The following BTK variants were observed in gnomAD, a reference collection of about 807,000 sequenced individuals.
BTK encodes Bruton tyrosine kinase.
BTK carries 5 observed loss-of-function variants against 57.4 expected under a neutral mutation model. That is an observed-to-expected ratio of 0.09 (90% CI 0.05 to 0.18). The LOEUF (loss-of-function observed/expected upper bound fraction) is 0.18. Ranked by LOEUF, BTK falls within the 10% of genes least tolerant of loss-of-function variation. The probability of loss-of-function intolerance (pLI) is 1.00; values close to 1 mark genes in which losing one functional copy is unlikely to be tolerated. For synonymous variants in BTK, 154 were observed against 174.3 expected, an observed-to-expected ratio of 0.88 and a Z score of 0.92; for missense variants, 194 against 501.2, an observed-to-expected ratio of 0.39 and a Z score of 5.85.
At position 101,375,136 on chromosome X, in the gene BTK, A is replaced by C. The variant is rs1555980865; in HGVS notation, c.141+8T>G. The stretch of plus-strand genomic sequence containing the variant: ...TTGAAACTCAGTTTTCATAGTCGAG[A>C]AACTTACCCCACGTTCAAAGTCATA... On this transcript the variant is annotated splice_region_variant and intron_variant, in intron 2 of 18. Transcript: ENST00000308731. 8.3e-7 allele frequency: 1 copy of C among 1,211,621 alleles called. No individual in the cohort carries two copies.
In BTK at chrX:101,353,850, G is replaced by A; in HGVS notation, c.1750+20C>T. ...TCTTATCCTTTGAGCTGTATAATCTGTGTAATCTTATCCACTTACCAAAAG... is the reference window on the plus strand; with the variant it reads ...TCTTATCCTTTGAGCTGTATAATCTATGTAATCTTATCCACTTACCAAAAG... On this transcript the variant is annotated intron_variant, in intron 17 of 18. Transcript: ENST00000308731. 3 of 1,119,269 alleles carry A rather than the reference G, an allele frequency of 2.7e-6. No homozygotes were observed. Among genetic ancestry groups the A allele is most frequent in the Non-Finnish European group, 3.7e-6 (3 of 810,944 alleles). The allele number at this position is 1,119,269 out of a possible 1,213,427, so 92.2% of individuals were successfully genotyped here.
chrX:101,386,365 T>A (rs1217182550), upstream of BTK: 1 of 111,044 alleles, frequency 9.0e-6, no homozygotes, highest in Non-Finnish European at 1.9e-5. Flanking sequence ...CACTACTATC[T>A]TGAGTCTATC....
At chrX:101,360,455 G>A in intron 8 of BTK, 113 bp downstream of exon 8, 1 of 842,844 alleles carries the variant, frequency 1.2e-6, no homozygotes, top group Non-Finnish European at 1.7e-6. Flanking sequence ...TCAGTCTGGT[G>A]TGGGAAGAAC....
Position 101,368,089 on chromosome X carries a change from G to A in BTK, c.391+1909C>T, listed in dbSNP as rs782404564. Among the ~76,000 whole-genome samples, 7 of 111,875 alleles carry A rather than the reference G, an allele frequency of 6.3e-5. No individual in the cohort carries two copies. The South Asian group carries it at 2.2e-3, about 36-fold the overall frequency. On this transcript the variant is annotated intron_variant, in intron 5 of 18. Transcript: ENST00000308731. ...AGCCTGACCCTGCCATTTACCAACC[G>A]AGGGCCTTTGGGCAAGTTACTTAAC...
intron 5 of BTK, among the ~76,000 whole-genome samples, chrX:101,366,722 T>C (rs1926862094): frequency 9.4e-6 from 1 of 106,166 alleles, no homozygotes. Context: ...AACAAGACTA[T>C]ACCCAGGTGG....
At chrX:101,375,060 C>T (rs1296400691) in intron 2 of BTK, 84 bp downstream of exon 2, 10 of 1,157,577 alleles carry the variant, frequency 8.6e-6, no homozygotes, top group South Asian at 1.8e-5. Context: ...CTCCTACCAA[C>T]GAAAATTTAC....
At chrX:101,374,276 C>T (rs782417453) in intron 3 of BTK, 3 of 346,872 alleles carry the variant, frequency 8.6e-6, no homozygotes, top group African/African-American at 5.3e-5. Flanking sequence ...AATCAATGAT[C>T]TCTGACCAGT....
chrX:101,370,476 TAA>T (rs1252166294), intron 4 of BTK, among the ~76,000 whole-genome samples: 1 of 111,874 alleles, frequency 8.9e-6, no homozygotes, highest in Non-Finnish European at 1.9e-5. Context: ...CTATATAAAT[TAA>T]GTCTTGATTA....
rs2147435148 is a variant in BTK at position 101,362,222 on chromosome X, G to C, written c.539C>G (p.Ser180Cys). Residue 180 changes from serine (S) to cysteine (C), a missense_variant, in exon 7 of 19, where the codon TCT becomes TGT. By Grantham distance (112) the Ser-to-Cys change is moderately radical. Coordinates refer to ENST00000308731, the MANE Select transcript of BTK (RefSeq NM_000061.3). ...NRNGSLKPGS[S>C]HRKTKKPLPP... The stretch of plus-strand genomic sequence containing the variant: ...AAGAGGCTTTTTTGTCTTCCGGTGA[G>C]AACTCCCAGGTTTTAAGCCTGCAAA... 8.3e-7 allele frequency: 1 copy of C among 1,211,749 alleles called. No individual in the cohort carries two copies. The highest frequency in any genetic ancestry group is 1.1e-6 in the Non-Finnish European group (1 of 895,422).
chrX:101,351,593 A>T (rs1422166583), intron 18 of BTK, among the ~76,000 whole-genome samples: 1 of 111,520 alleles, frequency 9.0e-6, no homozygotes, highest in Non-Finnish European at 1.9e-5. Context: ...AGATTCACAT[A>T]TGCACTTGTT....
chrX:101,387,347 C>CTT (rs1195584019), upstream of BTK, among the ~76,000 whole-genome samples: 164 of 75,463 alleles, frequency 2.2e-3, no homozygotes, highest in East Asian at 3.8e-3. Flanking sequence ...GCCCTGGGAC[C>CTT]TTTTTTTTTT....
Position 101,349,874 on chromosome X carries a change from T to C in BTK, c.*11A>G, listed in dbSNP as rs377028655. 15 of 1,199,140 alleles carry C rather than the reference T, an allele frequency of 1.3e-5. No homozygotes were observed. The Middle Eastern group carries it at 6.9e-4, about 55-fold the overall frequency. ...AGAAGAGAAGTAGAACCAAGAAGCT[T>C]ATTGGCGAGCTCAGGATTCTTCATC... On this transcript the variant is annotated 3_prime_UTR_variant, in exon 19 of 19. Coordinates refer to ENST00000308731, the MANE Select transcript of BTK (RefSeq NM_000061.3).
intron 1 of BTK, among the ~76,000 whole-genome samples, chrX:101,375,977 TG>T (rs60553058): frequency 0.48 from 49,261 of 103,172 alleles, 9,569 homozygotes; most frequent in African/African-American, 0.73. Flanking sequence ...TGGGTTTTGG[TG>T]GGGGGGGGGT....
chrX:101,358,769 G>C, intron 10 of BTK, 73 bp from the exon 11 acceptor site: 1 of 873,958 alleles, frequency 1.1e-6, no homozygotes, highest in Non-Finnish European at 1.7e-6. Context: ...GCCCAAACTT[G>C]AGAGAGAAAA....
chrX:101,349,783 A>C lies in BTK; in HGVS notation c.*102T>G. 1 of 701,513 alleles carries C rather than the reference A, an allele frequency of 1.4e-6. No individual in the cohort carries two copies. 57.8% of individuals were successfully genotyped at this position (701,513 alleles called of 1,213,427 possible). The stretch of plus-strand genomic sequence containing the variant: ...GAGGGGCCTTTTTGTATTGAGTGGG[A>C]GCACAAAGGCTCCAGGGCTCCTAAG... On this transcript the variant is annotated 3_prime_UTR_variant, in exon 19 of 19. Coordinates refer to ENST00000308731, the MANE Select transcript of BTK (RefSeq NM_000061.3).
chrX:101,367,129 A>C (rs1185784772), intron 5 of BTK, among the ~76,000 whole-genome samples: 1 of 109,355 alleles, frequency 9.1e-6, no homozygotes, highest in East Asian at 2.9e-4. Flanking sequence ...CTGTAGTCCC[A>C]GCTACTCGGG....
intron 7 of BTK, among the ~76,000 whole-genome samples, chrX:101,361,172 C>T (rs976076716): frequency 1.8e-5 from 2 of 109,620 alleles, no homozygotes; most frequent in Middle Eastern, 9.3e-3. Flanking sequence ...GCCAAGACCA[C>T]GCCACTGCAC....
At chrX:101,354,582 C>G (rs1182586643) in intron 16 of BTK, 48 bp downstream of exon 16, 2 of 1,146,791 alleles carry the variant, frequency 1.7e-6, no homozygotes, top group Non-Finnish European at 2.4e-6. Flanking sequence ...ATGTTTCATA[C>G]TGTGCTATTT....
intron 1 of BTK, among the ~76,000 whole-genome samples, chrX:101,376,985 C>A (rs2238985): frequency 0.25 from 27,847 of 110,323 alleles, 2,793 homozygotes; most frequent in African/African-American, 0.36. Context: ...AAAGGAACAC[C>A]AGGGGTGTTC....
Sources: allele counts gnomAD v4.1 joint callset (sites outside exome capture counted in the v4.1 genomes callset), GRCh38; gene constraint gnomAD v4.1.1; transcripts MANE v1.5; gene names NCBI Gene and HGNC (gene_info 2026-07-23, HGNC 2026-07-21).